SLC24A2: variants seen among roughly 807,000 people sequenced by gnomAD.
The protein encoded by SLC24A2 is solute carrier family 24 member 2, also known as sodium/potassium/calcium exchanger 2.
In SLC24A2, 36 loss-of-function variants were observed where a neutral mutation model predicts 62.0. The ratio of observed to expected loss-of-function variants is 0.58; its 90% CI spans 0.44 to 0.77. SLC24A2 has a LOEUF of 0.77. Ranked by LOEUF, SLC24A2 falls within the 30% of genes least tolerant of loss-of-function variation. The probability of loss-of-function intolerance (pLI) is 0.00; values close to 1 mark genes in which losing one functional copy is unlikely to be tolerated. For missense variants in SLC24A2, 846 were observed against 817.9 expected (o/e 1.03, Z -0.42); for synonymous variants, 358 against 294.0 (o/e 1.22, Z -2.23).
the SLC24A2 span, among the ~76,000 whole-genome samples, chr9:19,870,045 C>T: frequency 6.6e-6 from 1 of 152,154 alleles, no homozygotes; most frequent in African/African-American, 2.4e-5. Context: ...CATAATATAA[C>T]ACTCTGTCTT....
chr9:19,865,179 G>T, the SLC24A2 span, among the ~76,000 whole-genome samples: 1 of 152,010 alleles, frequency 6.6e-6, no homozygotes, highest in Non-Finnish European at 1.5e-5. Context: ...GAAAAAAATT[G>T]AAGAGGACAC....
At chr9:19,789,592 T>C (rs1200299501), upstream of SLC24A2, among the ~76,000 whole-genome samples, 1 of 152,212 alleles carries the variant, frequency 6.6e-6, no homozygotes, top group Non-Finnish European at 1.5e-5. Context: ...CGTGTCATTT[T>C]GAATCACTGA....
At chr9:20,078,000 T>C in the SLC24A2 span, among the ~76,000 whole-genome samples, 1 of 152,080 alleles carries the variant, frequency 6.6e-6, no homozygotes, top group African/African-American at 2.4e-5. Context: ...GTGCAGATGC[T>C]GGTGAGGAGG....
intron 2 of SLC24A2, among the ~76,000 whole-genome samples, chr9:19,707,906 G>C (rs1295999439): frequency 6.6e-6 from 1 of 152,110 alleles, no homozygotes; most frequent in Non-Finnish European, 1.5e-5. Context: ...TCTGGCCAGG[G>C]CAATTAGGCA....
intron 7 of SLC24A2, among the ~76,000 whole-genome samples, chr9:19,570,511 C>T (rs7036524): frequency 6.6e-6 from 1 of 152,168 alleles, no homozygotes. Flanking sequence ...AACGTTCACT[C>T]ATTATTTATA....
chr9:20,250,675 C>A, the SLC24A2 span, among the ~76,000 whole-genome samples: 1 of 152,096 alleles, frequency 6.6e-6, no homozygotes, highest in Non-Finnish European at 1.5e-5. Context: ...GCCAATTCAC[C>A]TCCAGCTAAC....
the SLC24A2 span, among the ~76,000 whole-genome samples, chr9:20,031,836 TG>T: frequency 3.3e-5 from 5 of 152,162 alleles, no homozygotes; most frequent in African/African-American, 1.2e-4. Context: ...GGGGCGTTGG[TG>T]GGCTGGTAAA....
Position 19,507,902 on chromosome 9 carries a change from G to A in SLC24A2, c.*8251C>T, listed in dbSNP as rs1452736675. ...CTAAAAAAGATCCTTTACAAAAATG[G>A]CATTCTGATATTTTTAACATAACCT... On this transcript the variant is annotated 3_prime_UTR_variant, in exon 11 of 11. Transcript: ENST00000341998. 6.6e-6 allele frequency: 1 copy of A among 152,168 alleles called. No individual in the cohort carries two copies. Among genetic ancestry groups the A allele is most frequent in the Non-Finnish European group, 1.5e-5 (1 of 68,036 alleles). The allele number at this position is 152,168 out of a possible 1,614,324, so 9.4% of individuals were successfully genotyped here.
chr9:19,614,163 T>G (rs933622462), intron 4 of SLC24A2, among the ~76,000 whole-genome samples: 38 of 152,198 alleles, frequency 2.5e-4, no homozygotes, highest in African/African-American at 8.7e-4. Flanking sequence ...GAGAAAATGT[T>G]AAAATCAATA....
At chr9:20,214,404 T>G in the SLC24A2 span, among the ~76,000 whole-genome samples, 1 of 151,952 alleles carries the variant, frequency 6.6e-6, no homozygotes, top group Non-Finnish European at 1.5e-5. Flanking sequence ...ACAAGGTCAG[T>G]AGATAAGACC....
At chr9:19,772,023 G>T (rs1256202233) in intron 2 of SLC24A2, among the ~76,000 whole-genome samples, 1 of 152,182 alleles carries the variant, frequency 6.6e-6, no homozygotes, top group Admixed American at 6.5e-5. Context: ...TGGAGCAAAG[G>T]CCTGTGGCCT....
At chr9:19,784,249 T>C (rs1823096250) in intron 2 of SLC24A2, among the ~76,000 whole-genome samples, 1 of 152,202 alleles carries the variant, frequency 6.6e-6, no homozygotes, top group East Asian at 1.9e-4. Context: ...GAAAGCATCT[T>C]CCACTCCACT....
At chr9:19,969,950 G>A in the SLC24A2 span, among the ~76,000 whole-genome samples, 2 of 152,096 alleles carry the variant, frequency 1.3e-5, no homozygotes, top group Non-Finnish European at 2.9e-5. Flanking sequence ...CATAAATATG[G>A]GGAAGAGTGG....
At chr9:20,220,530 T>C in the SLC24A2 span, among the ~76,000 whole-genome samples, 1 of 152,156 alleles carries the variant, frequency 6.6e-6, no homozygotes, top group Non-Finnish European at 1.5e-5. Flanking sequence ...GATCCATGTA[T>C]TTGTCAGGAT....
the SLC24A2 span, among the ~76,000 whole-genome samples, chr9:20,307,060 CCTA>C: frequency 1.3e-5 from 2 of 152,186 alleles, no homozygotes; most frequent in Non-Finnish European, 2.9e-5. Context: ...TGTAATTTTA[CCTA>C]CTATGTTTTA....
chr9:19,596,359 TA>T (rs1836703098), intron 5 of SLC24A2, among the ~76,000 whole-genome samples: 1 of 152,192 alleles, frequency 6.6e-6, no homozygotes, highest in Non-Finnish European at 1.5e-5. Context: ...AAAAGTCATG[TA>T]AAAAACCTTA....
chr9:20,212,453 C>G, the SLC24A2 span, among the ~76,000 whole-genome samples: 1 of 151,816 alleles, frequency 6.6e-6, no homozygotes, highest in Admixed American at 6.5e-5. Context: ...GAGTTTGAGA[C>G]CAGCCTGGCC....
chr9:19,644,807 T>C (rs1312285521), intron 2 of SLC24A2, among the ~76,000 whole-genome samples: 1 of 152,200 alleles, frequency 6.6e-6, no homozygotes, highest in Non-Finnish European at 1.5e-5. Flanking sequence ...ATTCTTTATA[T>C]AAAATATTTG....
intron 7 of SLC24A2, among the ~76,000 whole-genome samples, chr9:19,562,889 G>C (rs1290659445): frequency 6.6e-6 from 1 of 152,170 alleles, no homozygotes; most frequent in Non-Finnish European, 1.5e-5. Context: ...AGGATCGCTT[G>C]AGGCCAGGAG....
Sources: gnomAD v4.1 joint callset for allele counts (sites outside exome capture counted in the v4.1 genomes callset) on GRCh38, gnomAD v4.1.1 for gene constraint, MANE v1.5 for transcripts, NCBI Gene and HGNC (gene_info 2026-07-23, HGNC 2026-07-21) for gene names.